TRPM3: variants seen among roughly 807,000 people sequenced by gnomAD.
The protein encoded by TRPM3 is transient receptor potential cation channel subfamily M member 3, also known as long transient receptor potential channel 3.
A neutral mutation model predicts 181.2 loss-of-function variants in TRPM3; 77 were observed. That is an observed-to-expected ratio of 0.42 (90% CI 0.35 to 0.51). The LOEUF (loss-of-function observed/expected upper bound fraction) is 0.51. Ranked by LOEUF, TRPM3 falls within the 20% of genes least tolerant of loss-of-function variation. The probability of loss-of-function intolerance (pLI) is 0.01; values close to 1 mark genes in which losing one functional copy is unlikely to be tolerated. For missense variants in TRPM3, 1,759 were observed against 2,196.7 expected (o/e 0.80, Z 3.98); for synonymous variants, 745 against 796.4 (o/e 0.94, Z 1.09).
At chr9:70,745,313 G>A (rs1157372120) in intron 8 of TRPM3, among the ~76,000 whole-genome samples, 1 of 152,066 alleles carries the variant, frequency 6.6e-6, no homozygotes, top group Non-Finnish European at 1.5e-5. Context: ...TATAAAGACT[G>A]CATCAACCTT....
At chr9:70,817,038 A>C (rs528955410) in intron 6 of TRPM3, among the ~76,000 whole-genome samples, 1 of 152,330 alleles carries the variant, frequency 6.6e-6, no homozygotes, top group Non-Finnish European at 1.5e-5. Flanking sequence ...CTTATTTATG[A>C]GTGGCAGATA....
chr9:71,342,690 G>A (rs2091039052), intron 1 of TRPM3, among the ~76,000 whole-genome samples: 1 of 152,084 alleles, frequency 6.6e-6, no homozygotes, highest in Middle Eastern at 3.2e-3. Context: ...CTTACTATAA[G>A]ATCCAGCAAC....
At chr9:71,343,539 T>C (rs979368611) in intron 1 of TRPM3, among the ~76,000 whole-genome samples, 2 of 152,112 alleles carry the variant, frequency 1.3e-5, no homozygotes, top group Non-Finnish European at 2.9e-5. Flanking sequence ...GAGATACAAA[T>C]ATGGAATGAA....
intron 1 of TRPM3, among the ~76,000 whole-genome samples, chr9:70,889,167 G>C (rs1367555623): frequency 6.6e-6 from 1 of 152,260 alleles, no homozygotes; most frequent in East Asian, 1.9e-4. Context: ...TTAAAGGCTA[G>C]GAGATGGGTG....
rs928832915 is a variant in TRPM3 at position 71,197,555 on chromosome 9, T to A, written c.183+249098A>T. On this transcript the variant is annotated intron_variant, in intron 1 of 24. Coordinates refer to the TRPM3 transcript ENST00000357533. Reference sequence around the variant, plus strand: ...CTGTTGTTTCCTGACTTTTTAATGATCGCCATTCTAACTGGTGTGAGATGG... The same window carrying A: ...CTGTTGTTTCCTGACTTTTTAATGAACGCCATTCTAACTGGTGTGAGATGG... Among the ~76,000 whole-genome samples the A allele has an allele frequency of 1.6e-4, 25 of 152,000 alleles. No homozygotes were observed. In the South Asian group the frequency reaches 3.1e-3, roughly 19 times the overall value.
Position 70,831,404 on chromosome 9 carries a change from T to G in TRPM3, c.802-3386A>C, listed in dbSNP as rs1220279806. Among the ~76,000 whole-genome samples, 4 of 151,798 alleles carry G rather than the reference T, an allele frequency of 2.6e-5. No homozygotes were observed. In the East Asian group the frequency reaches 5.8e-4, roughly 22 times the overall value. ...TAAAATAGGACTTTTTTTTTTTTTT[T>G]TGGAATTGTGTGTGTGTGTGGTAAG... On this transcript the variant is annotated intron_variant, in intron 5 of 25. Transcript: ENST00000677713.
intron 1 of TRPM3, among the ~76,000 whole-genome samples, chr9:70,910,908 A>G (rs1391717532): frequency 1.3e-5 from 2 of 152,196 alleles, no homozygotes; most frequent in African/African-American, 2.4e-5. Context: ...TGCTGCAGCA[A>G]TGAAAAATAT....
chr9:70,784,624 T>C (rs983310461), intron 6 of TRPM3, among the ~76,000 whole-genome samples: 2 of 152,164 alleles, frequency 1.3e-5, no homozygotes, highest in Admixed American at 6.5e-5. Context: ...ACCAAGAGCG[T>C]GGAAGCTGAA....
intron 1 of TRPM3, among the ~76,000 whole-genome samples, chr9:71,298,411 A>G (rs1332692379): frequency 6.6e-6 from 1 of 152,088 alleles, no homozygotes; most frequent in African/African-American, 2.4e-5. Context: ...GTAAAAGCTG[A>G]TTAAAATCTG....
chr9:70,682,827 T>C (rs2065814413), intron 8 of TRPM3, among the ~76,000 whole-genome samples: 1 of 152,242 alleles, frequency 6.6e-6, no homozygotes, highest in Non-Finnish European at 1.5e-5. Flanking sequence ...GCCTCGAGCT[T>C]ATCTCTAGAA....
intron 1 of TRPM3, among the ~76,000 whole-genome samples, chr9:70,939,365 A>G (rs1287196170): frequency 2.0e-5 from 3 of 152,120 alleles, no homozygotes; most frequent in Non-Finnish European, 4.4e-5. Flanking sequence ...TGTCAATAGT[A>G]TTTTCTCCCT....
intron 1 of TRPM3, among the ~76,000 whole-genome samples, chr9:71,072,320 A>G (rs2062874664): frequency 6.6e-6 from 1 of 152,144 alleles, no homozygotes; most frequent in Non-Finnish European, 1.5e-5. Flanking sequence ...ACCTATCATT[A>G]TTTCTACAAA....
intron 1 of TRPM3, among the ~76,000 whole-genome samples, chr9:71,346,183 C>T (rs930633238): frequency 6.6e-6 from 1 of 152,096 alleles, no homozygotes; most frequent in Admixed American, 6.6e-5. Context: ...CAATGGAATG[C>T]CACTCAACAA....
chr9:70,692,019 C>G (rs551370711), intron 8 of TRPM3, among the ~76,000 whole-genome samples: 58 of 152,200 alleles, frequency 3.8e-4, no homozygotes, highest in African/African-American at 1.3e-3. Context: ...CAAAACAAAA[C>G]AGAACAACAA....
chr9:70,748,888 G>GT (rs1335012125), intron 8 of TRPM3, among the ~76,000 whole-genome samples: 1 of 152,014 alleles, frequency 6.6e-6, no homozygotes, highest in Non-Finnish European at 1.5e-5. Context: ...AGTTTATTTT[G>GT]TTTTTTATTT....
At chr9:70,683,377 G>A (rs2065931392) in intron 8 of TRPM3, among the ~76,000 whole-genome samples, 1 of 145,336 alleles carries the variant, frequency 6.9e-6, no homozygotes, top group Non-Finnish European at 1.5e-5. Flanking sequence ...GTGCCACCAT[G>A]CCCAGCTTCC....
chr9:71,282,397 A>G lies in TRPM3; in HGVS notation c.183+164256T>C, dbSNP rs1016303695. On this transcript the variant is annotated intron_variant, in intron 1 of 24. Coordinates refer to the TRPM3 transcript ENST00000357533. ...AAAGAAAGAAAGAAAGGAAAGAAAG[A>G]AAGGAAAAGAAAGAAAAAGAAAAAG... Among the ~76,000 whole-genome samples the G allele has an allele frequency of 6.4e-5, 8 of 124,194 alleles. No homozygotes were observed. In the East Asian group the frequency reaches 1.6e-3, roughly 25 times the overall value. The allele number at this position is 124,194 out of a possible 152,430, so 81.5% of individuals were successfully genotyped here.
chr9:70,849,534 A>C (rs1407364234), intron 3 of TRPM3, among the ~76,000 whole-genome samples: 2 of 152,182 alleles, frequency 1.3e-5, no homozygotes, highest in Non-Finnish European at 2.9e-5. Context: ...ATAAACTAAG[A>C]TATTAGTTAA....
At chr9:71,156,697 A>G (rs2134669442) in intron 1 of TRPM3, among the ~76,000 whole-genome samples, 1 of 152,240 alleles carries the variant, frequency 6.6e-6, no homozygotes, top group East Asian at 1.9e-4. Context: ...CATACTTAGG[A>G]AAGCTTGCTA....
Sources: gnomAD v4.1 joint callset for allele counts (sites outside exome capture counted in the v4.1 genomes callset) on GRCh38, gnomAD v4.1.1 for gene constraint, MANE v1.5 for transcripts, NCBI Gene and HGNC (gene_info 2026-07-23, HGNC 2026-07-21) for gene names.